NTRK3: variants seen among roughly 807,000 people sequenced by gnomAD.
NTRK3 encodes the protein NT-3 growth factor receptor.
NTRK3 carries 24 observed loss-of-function variants against 91.7 expected under a neutral mutation model. The observed-to-expected ratio is 0.26, with a 90% CI of 0.19 to 0.37. NTRK3 has a LOEUF of 0.37. NTRK3 is among the 10% of genes least tolerant of loss of function. NTRK3 has a pLI of 1.00. For missense variants in NTRK3, 880 were observed against 1,068.9 expected (o/e 0.82, Z 2.46); for synonymous variants, 483 against 404.0 (o/e 1.20, Z -2.34).
intron 5 of NTRK3, among the ~76,000 whole-genome samples, chr15:88,160,336 A>G (rs1441216278): frequency 6.6e-6 from 1 of 152,178 alleles, no homozygotes; most frequent in Non-Finnish European, 1.5e-5. Flanking sequence ...TGGTTGCCTG[A>G]GGATGGGGAG....
intron 17 of NTRK3, among the ~76,000 whole-genome samples, chr15:87,890,570 T>TAC (rs58806302): frequency 0.027 from 4,046 of 147,784 alleles, 95 homozygotes; most frequent in African/African-American, 0.063. Flanking sequence ...GCTTGTTCTT[T>TAC]ACACACACAC....
intron 13 of NTRK3, among the ~76,000 whole-genome samples, chr15:88,065,796 A>T (rs1053557581): frequency 6.6e-6 from 1 of 152,204 alleles, no homozygotes; most frequent in African/African-American, 2.4e-5. Flanking sequence ...GAACTGGCTG[A>T]TCTGAAACTC....
rs2052586749 is a variant in NTRK3, at chr15:88,243,807, C to T, written c.248+12099G>A. ...TTTTTAGGTGCCAGGATTGTTTCAT[C>T]ACAATCAACTTAGTCAGTTGCCCAT... On this transcript the variant is annotated intron_variant, in intron 3 of 18. Transcript: ENST00000394480. The surrounding 1 kb of genome is among the most constrained non-coding windows in gnomAD (Gnocchi z 4.8). Among the ~76,000 whole-genome samples, 1 of 152,180 alleles carries T rather than the reference C, an allele frequency of 6.6e-6. No individual in the cohort carries two copies. The highest frequency in any genetic ancestry group is 6.5e-5 in the Admixed American group (1 of 15,288).
chr15:88,232,294 C>T (rs2051278816), intron 3 of NTRK3, among the ~76,000 whole-genome samples: 1 of 135,780 alleles, frequency 7.4e-6, no homozygotes, highest in Admixed American at 7.8e-5. Flanking sequence ...CCTCTTCTAT[C>T]GCCACCTCAC....
intron 13 of NTRK3, among the ~76,000 whole-genome samples, chr15:88,056,202 ATT>A (rs59829232): frequency 0.22 from 23,155 of 104,506 alleles, 2,295 homozygotes; most frequent in African/African-American, 0.37. Context: ...ATATATATAT[ATT>A]TTTTTTTTAA....
intron 14 of NTRK3, among the ~76,000 whole-genome samples, chr15:87,961,612 G>A (rs1596419024): frequency 6.6e-6 from 1 of 152,264 alleles, no homozygotes; most frequent in East Asian, 1.9e-4. Context: ...AAGTAAGTCA[G>A]GTCTGAAGTG....
chr15:88,030,744 G>A lies in NTRK3; in HGVS notation c.1585+2113C>T, dbSNP rs536775744. Among the ~76,000 whole-genome samples the A allele has an allele frequency of 5.3e-5, 8 of 151,958 alleles. No homozygotes were observed. The South Asian group carries it at 1.7e-3, about 32-fold the overall frequency. On this transcript the variant is annotated intron_variant, in intron 14 of 18. Coordinates refer to ENST00000394480, the Ensembl canonical transcript of NTRK3. ...CACGTTTCCAGCTGAGACTCAACAA[G>A]GAGATATCTGCCTTCTTCCTTTTTA...
At chr15:88,045,859 T>C (rs2080133972) in intron 13 of NTRK3, among the ~76,000 whole-genome samples, 1 of 152,250 alleles carries the variant, frequency 6.6e-6, no homozygotes, top group Admixed American at 6.5e-5. Flanking sequence ...TCTCTTCTCC[T>C]CTTTTTATAA....
At chr15:88,108,626 C>A (rs2050975225) in intron 13 of NTRK3, among the ~76,000 whole-genome samples, 1 of 152,220 alleles carries the variant, frequency 6.6e-6, no homozygotes, top group African/African-American at 2.4e-5. Context: ...CAAAAGATAT[C>A]CAAAGATAAA....
intron 14 of NTRK3, among the ~76,000 whole-genome samples, chr15:87,975,858 G>A (rs536825464): frequency 6.6e-6 from 1 of 152,126 alleles, no homozygotes; most frequent in Non-Finnish European, 1.5e-5. Context: ...TAGGAAAAAT[G>A]GAAGCCACCA....
intron 13 of NTRK3, among the ~76,000 whole-genome samples, chr15:88,076,758 G>A (rs925434509): frequency 4.6e-5 from 7 of 152,000 alleles, no homozygotes; most frequent in Non-Finnish European, 1.0e-4. Context: ...AGCACAAAGG[G>A]GGCCTAACAT....
chr15:87,973,083 G>C lies in NTRK3; in HGVS notation c.1586-32330C>G, dbSNP rs568912833. ...TGGCCCAGGAGCATACAGAACCTTT[G>C]AGCAATGCATTCACACCCACCCAGA... On this transcript the variant is annotated intron_variant, in intron 14 of 18. Transcript: ENST00000394480. Among the ~76,000 whole-genome samples the C allele has an allele frequency of 5.3e-5, 8 of 152,262 alleles. No homozygotes were observed. In the East Asian group the frequency reaches 1.5e-3, roughly 29 times the overall value.
chr15:88,213,552 G>A lies in NTRK3; in HGVS notation c.249-29253C>T, dbSNP rs137888111. Among the ~76,000 whole-genome samples the A allele has an allele frequency of 7.9e-5, 12 of 152,318 alleles. No homozygotes were observed. In the East Asian group the frequency reaches 1.7e-3, roughly 22 times the overall value. On this transcript the variant is annotated intron_variant, in intron 3 of 18. Transcript: ENST00000394480. ...GCTCGGCCTCACTCTGGGGTACGAG[G>A]AGAGCTCTGTGGTTCAGAAGCGGGA...
intron 5 of NTRK3, among the ~76,000 whole-genome samples, chr15:88,154,924 CA>C (rs2043747654): frequency 6.6e-6 from 1 of 152,068 alleles, no homozygotes; most frequent in East Asian, 1.9e-4. Flanking sequence ...AGTGTCTAGC[CA>C]AAAAATACCC....
At chr15:88,132,402 A>G (rs1240223928) in intron 10 of NTRK3, among the ~76,000 whole-genome samples, 1 of 152,204 alleles carries the variant, frequency 6.6e-6, no homozygotes, top group Non-Finnish European at 1.5e-5. Context: ...GGATACAGAA[A>G]TAGAGGCACA....
At chr15:87,862,518 T>A (rs899405021) in exon 19 of NTRK3, 2 of 227,296 alleles carry the variant, frequency 8.8e-6, no homozygotes, top group African/African-American at 4.4e-5. Context: ...ATATTTATGA[T>A]GAAACCTGCA....
At chr15:87,960,524 A>C (rs938052666) in intron 14 of NTRK3, among the ~76,000 whole-genome samples, 7 of 150,970 alleles carry the variant, frequency 4.6e-5, no homozygotes, top group Non-Finnish European at 1.0e-4. Context: ...TCGCTCTCTC[A>C]CCCAGGCTGG....
chr15:88,131,611 G>C (rs990509822), intron 10 of NTRK3, among the ~76,000 whole-genome samples: 1 of 152,194 alleles, frequency 6.6e-6, no homozygotes, highest in Non-Finnish European at 1.5e-5. Context: ...AGAGGTGCCA[G>C]ATCAATTCGC....
chr15:88,133,804 T>G (rs1168424198), intron 10 of NTRK3, among the ~76,000 whole-genome samples: 1 of 152,138 alleles, frequency 6.6e-6, no homozygotes, highest in Non-Finnish European at 1.5e-5. Context: ...TCAGACTACA[T>G]GGGATTTCCA....
Sources: gnomAD v4.1 joint callset for allele counts (sites outside exome capture counted in the v4.1 genomes callset) on GRCh38, gnomAD v4.1.1 for gene constraint, Gnocchi (gnomAD v3.1) non-coding constraint, MANE v1.5 for transcripts, NCBI Gene and HGNC (gene_info 2026-07-23, HGNC 2026-07-21) for gene names.